ZNF536: variants seen among roughly 807,000 people sequenced by gnomAD.
ZNF536 encodes zinc finger protein 536.
ZNF536 carries 13 observed loss-of-function variants against 84.5 expected under a neutral mutation model. That is an observed-to-expected ratio of 0.15 (90% CI 0.10 to 0.24). The LOEUF is 0.24. Among genes scored for constraint, ZNF536 ranks in the 10% least tolerant of loss-of-function variants. The pLI is 1.00. For missense variants in ZNF536, 1,536 were observed against 1,747.5 expected, an observed-to-expected ratio of 0.88 and a Z score of 2.16; for synonymous variants, 811 against 742.5, an observed-to-expected ratio of 1.09 and a Z score of -1.50.
At chr19:30,685,895 G>T (rs1300459854) in intron 1 of ZNF536, among the ~76,000 whole-genome samples, 1 of 152,166 alleles carries the variant, frequency 6.6e-6, no homozygotes, top group Non-Finnish European at 1.5e-5. Flanking sequence ...CGGAAGACAG[G>T]CTACATGAGC....
intron 3 of ZNF536, among the ~76,000 whole-genome samples, chr19:30,366,144 C>T (rs1267462872): frequency 6.6e-6 from 1 of 152,172 alleles, no homozygotes; most frequent in South Asian, 2.1e-4. Context: ...TGGTCCTTCC[C>T]TTTGAATCCC....
At chr19:30,380,672 A>T (rs2147158699) in intron 1 of ZNF536, among the ~76,000 whole-genome samples, 1 of 152,160 alleles carries the variant, frequency 6.6e-6, no homozygotes, top group South Asian at 2.1e-4. Context: ...GCTTAGCCTT[A>T]AGGCAGTGAG....
At chr19:30,373,104 A>G (rs778827082) in intron 1 of ZNF536, among the ~76,000 whole-genome samples, 5 of 152,240 alleles carry the variant, frequency 3.3e-5, no homozygotes, top group Non-Finnish European at 5.9e-5. Flanking sequence ...TTGACGTTAG[A>G]GAAATCAAAT....
intron 2 of ZNF536, among the ~76,000 whole-genome samples, chr19:30,346,538 G>A (rs1280504882): frequency 6.6e-6 from 1 of 152,122 alleles, no homozygotes; most frequent in Non-Finnish European, 1.5e-5. Context: ...TCCCCTCTCT[G>A]TGTCCATGTG....
intron 1 of ZNF536, among the ~76,000 whole-genome samples, chr19:30,686,527 G>C (rs903486149): frequency 6.6e-6 from 1 of 152,194 alleles, no homozygotes; most frequent in African/African-American, 2.4e-5. Flanking sequence ...TGGCACCGTG[G>C]CACCGTGGCC....
At chr19:30,646,675 C>A (rs976219057) in intron 1 of ZNF536, among the ~76,000 whole-genome samples, 1 of 152,146 alleles carries the variant, frequency 6.6e-6, no homozygotes, top group Non-Finnish European at 1.5e-5. Context: ...AGTGGCTCTG[C>A]CCCCCTTTTG....
intron 1 of ZNF536, among the ~76,000 whole-genome samples, chr19:30,248,234 T>G (rs2024398375): frequency 6.7e-6 from 1 of 150,130 alleles, no homozygotes; most frequent in Admixed American, 6.6e-5. Context: ...CTTTTTTTTT[T>G]TTTTTGCGAC....
At chr19:30,297,040 G>C (rs1328347330) in intron 2 of ZNF536, among the ~76,000 whole-genome samples, 2 of 152,216 alleles carry the variant, frequency 1.3e-5, no homozygotes, top group Non-Finnish European at 2.9e-5. Context: ...GCCCCAGCCA[G>C]GGAAGACCCT....
intron 1 of ZNF536, among the ~76,000 whole-genome samples, chr19:30,379,335 C>T (rs182913164): frequency 4.6e-5 from 7 of 152,098 alleles, no homozygotes; most frequent in African/African-American, 1.4e-4. Context: ...CTGTGCTGCC[C>T]GGCATGATGA....
chr19:30,593,259 G>A (rs905342954), intron 1 of ZNF536, among the ~76,000 whole-genome samples: 2 of 152,084 alleles, frequency 1.3e-5, no homozygotes, highest in Non-Finnish European at 1.5e-5. Flanking sequence ...GCTTCCTTGC[G>A]CTGTGACCAA....
intron 2 of ZNF536, among the ~76,000 whole-genome samples, chr19:30,351,835 C>G (rs550943989): frequency 2.0e-5 from 3 of 152,148 alleles, no homozygotes; most frequent in African/African-American, 7.2e-5. Context: ...TAAGTTTGAA[C>G]AAAAAAGTGC....
chr19:30,249,658 A>T (rs2024493382), intron 1 of ZNF536, among the ~76,000 whole-genome samples: 1 of 152,198 alleles, frequency 6.6e-6, no homozygotes, highest in South Asian at 2.1e-4. Context: ...ACAAAAACAA[A>T]ACAAAGCAAA....
intron 1 of ZNF536, among the ~76,000 whole-genome samples, chr19:30,606,677 G>T (rs1483134415): frequency 6.6e-6 from 1 of 152,168 alleles, no homozygotes; most frequent in African/African-American, 2.4e-5. Context: ...GAATGGTCCT[G>T]AGTGTGAATT....
intron 2 of ZNF536, among the ~76,000 whole-genome samples, chr19:30,449,447 C>T (rs1180101488): frequency 1.3e-5 from 2 of 152,208 alleles, no homozygotes; most frequent in Non-Finnish European, 2.9e-5. Flanking sequence ...AGTCAGAACA[C>T]AACCAAAGTT....
At chr19:30,437,770 C>T (rs1175801436) in intron 1 of ZNF536, among the ~76,000 whole-genome samples, 1 of 152,194 alleles carries the variant, frequency 6.6e-6, no homozygotes, top group Non-Finnish European at 1.5e-5. Context: ...TTACAGTGGC[C>T]TTTAACTGTC....
intron 1 of ZNF536, among the ~76,000 whole-genome samples, chr19:30,621,199 A>C (rs1175723355): frequency 6.6e-6 from 1 of 151,944 alleles, no homozygotes; most frequent in Non-Finnish European, 1.5e-5. Context: ...TTGAGATACT[A>C]GATTAAAAAA....
At position 30,462,890 on chromosome 19, in the gene ZNF536, TG is replaced by T. The variant is rs5827716; in HGVS notation, c.2170+17159del. Reference sequence around the variant, plus strand: ...TGGGATGGGTGTATCCATATGTATTTGTCTGTGTTGGCATGGGATGGGTGTG... The same window carrying T: ...TGGGATGGGTGTATCCATATGTATTTTCTGTGTTGGCATGGGATGGGTGTG... On this transcript the variant is annotated intron_variant, in intron 2 of 4. Transcript: ENST00000355537. Among the ~76,000 whole-genome samples, 1,205 of 145,854 alleles carry T rather than the reference TG, an allele frequency of 8.3e-3. 83 individuals are homozygous for T. Among genetic ancestry groups the T allele is most frequent in the Admixed American group, 0.067 (972 of 14,552 alleles).
At chr19:30,343,721 G>T (rs1216927584) in intron 2 of ZNF536, among the ~76,000 whole-genome samples, 1 of 152,188 alleles carries the variant, frequency 6.6e-6, no homozygotes, top group Non-Finnish European at 1.5e-5. Context: ...CTGAGAAACA[G>T]ATAAACTTTT....
intron 2 of ZNF536, among the ~76,000 whole-genome samples, chr19:30,451,518 C>T (rs989178374): frequency 6.6e-6 from 1 of 152,170 alleles, no homozygotes; most frequent in Non-Finnish European, 1.5e-5. Context: ...GCCAGTCCAC[C>T]GTCACTTGGC....
Sources: allele counts gnomAD v4.1 joint callset (sites outside exome capture counted in the v4.1 genomes callset), GRCh38; gene constraint gnomAD v4.1.1; transcripts MANE v1.5; gene names NCBI Gene and HGNC (gene_info 2026-07-23, HGNC 2026-07-21).